The following SPTB variants were observed in gnomAD, a reference collection of about 807,000 sequenced individuals.
SPTB encodes spectrin beta chain, erythrocytic.
In SPTB, 45 loss-of-function variants were observed where a neutral mutation model predicts 256.2. That is an observed-to-expected ratio of 0.18 (90% CI 0.14 to 0.23). The LOEUF is 0.23. Among genes scored for constraint, SPTB ranks in the 10% least tolerant of loss-of-function variants. The probability of loss-of-function intolerance (pLI) is 1.00; values close to 1 mark genes in which losing one functional copy is unlikely to be tolerated. For synonymous variants in SPTB, 1,231 were observed against 1,243.1 expected, an observed-to-expected ratio of 0.99 and a Z score of 0.21; for missense variants, 2,715 against 3,040.4, an observed-to-expected ratio of 0.89 and a Z score of 2.52.
Position 64,853,961 on chromosome 14 carries a change from G to C in SPTB, c.-52+25831C>G, listed in dbSNP as rs186898958. Among the ~76,000 whole-genome samples, 45 of 152,284 alleles carry C rather than the reference G, an allele frequency of 3.0e-4. No individual in the cohort carries two copies. The highest frequency in any genetic ancestry group is 5.9e-4 in the Admixed American group (9 of 15,298). On this transcript the variant is annotated intron_variant, in intron 1 of 35. Coordinates refer to ENST00000644917, the MANE Select transcript of SPTB (RefSeq NM_001355436.2). This position sits in a 1 kb window ranked among gnomAD's most constrained non-coding sequence, Gnocchi z 4.3. ...AATCCCAGTACTTTGGGAGACCGAG[G>C]CAGGTAGATCACCTGAGGTCAGGAG...
At chr14:64,801,211 G>A (rs867002670) in intron 7 of SPTB, 74 bp downstream of exon 7, 1 of 1,335,290 alleles carries the variant, frequency 7.5e-7, no homozygotes, top group Non-Finnish European at 1.1e-6. Context: ...AGTCCTGGCG[G>A]CTGAGCTCCT....
At chr14:64,835,972 G>T (rs995377961) in intron 1 of SPTB, among the ~76,000 whole-genome samples, 10 of 152,300 alleles carry the variant, frequency 6.6e-5, no homozygotes, top group African/African-American at 2.4e-4. Flanking sequence ...AACATCCCGT[G>T]CTACTGTGGG....
At chr14:64,860,294 C>T (rs1241743824) in intron 1 of SPTB, among the ~76,000 whole-genome samples, 2 of 152,216 alleles carry the variant, frequency 1.3e-5, no homozygotes, top group Non-Finnish European at 2.9e-5. Flanking sequence ...TGAATGAGCC[C>T]TTTTGTTTCC....
At chr14:64,806,000 C>T (rs1012509778) in intron 2 of SPTB, among the ~76,000 whole-genome samples, 4 of 152,088 alleles carry the variant, frequency 2.6e-5, no homozygotes, top group African/African-American at 9.7e-5. Flanking sequence ...CCATGCTGTA[C>T]CAGTTCAGGT....
intron 9 of SPTB, 23 bp from the exon 10 acceptor site, chr14:64,797,869 A>G (rs771578947): frequency 6.3e-7 from 1 of 1,596,050 alleles, no homozygotes; most frequent in Admixed American, 1.7e-5. Flanking sequence ...CAGAAGTAGG[A>G]AGACTGATGT....
Position 64,823,046 on chromosome 14 carries a change from T to C in SPTB, c.49A>G (p.Ser17Gly). The change falls in exon 2 of 36, where the codon AGC (serine) becomes GGC (glycine). Residue 17 changes from serine to glycine, a missense_variant. Ser to Gly is a moderately conservative substitution (Grantham distance 56, BLOSUM62 0). Coordinates refer to ENST00000644917, the MANE Select transcript of SPTB (RefSeq NM_001355436.2). The surrounding 1 kb of genome is among the most constrained non-coding windows in gnomAD (Gnocchi z 6.5). ...GCGTCCCAGCGGGCATTGATCCTGC[T>C]GTAAGGTGGCTGGTTGCCCACATTT... The part of the protein sequence containing the change: ...FENVGNQPPY[S>G]RINARWDAPD... The C allele has an allele frequency of 1.2e-6, 2 of 1,614,194 alleles. No homozygotes were observed. The highest frequency in any genetic ancestry group is 2.2e-5 in the South Asian group (2 of 91,078).
At chr14:64,800,497 T>C (rs1258309186) in intron 8 of SPTB, among the ~76,000 whole-genome samples, 1 of 152,170 alleles carries the variant, frequency 6.6e-6, no homozygotes, top group African/African-American at 2.4e-5. Context: ...TGTGGGGATG[T>C]CCATGAGACA....
intron 1 of SPTB, among the ~76,000 whole-genome samples, chr14:64,830,364 ATTATTATTATTAT>A (rs145557271): frequency 0.15 from 20,503 of 139,128 alleles, 1,757 homozygotes; most frequent in African/African-American, 0.26. Flanking sequence ...TATTATTATT[ATTATTATTATTAT>A]TATTTTATTT....
Position 64,873,843 on chromosome 14 carries a change from C to T in SPTB, c.-52+5949G>A, listed in dbSNP as rs1882677908. 6.6e-6 allele frequency among the ~76,000 whole-genome samples: 1 copy of T among 152,150 alleles called. No individual in the cohort carries two copies. Among genetic ancestry groups the T allele is most frequent in the South Asian group, 2.1e-4 (1 of 4,816 alleles). On this transcript the variant is annotated intron_variant, in intron 1 of 35. Transcript: ENST00000644917. This position sits in a 1 kb window ranked among gnomAD's most constrained non-coding sequence, Gnocchi z 4.3. ...GAGTATATAAATGTACATTTCTAAT[C>T]CTGTTTTGTAACTGGAAACCAGGAA...
chr14:64,774,854 C>T (rs977754166), intron 23 of SPTB, among the ~76,000 whole-genome samples: 8 of 151,882 alleles, frequency 5.3e-5, no homozygotes, highest in Non-Finnish European at 8.8e-5. Flanking sequence ...TCTTTCATAG[C>T]GTACAGAATC....
rs2295523 is a variant in SPTB, at chr14:64,753,864, T to C, written c.6346-71A>G. 25,646 of 1,596,088 alleles carry C rather than the reference T, an allele frequency of 0.016. 1,935 individuals carry two copies. In the African/African-American group the frequency reaches 0.19, roughly 12 times the overall value. ...TTAGAGATGGCTGTTCTCAGCAAAATTGGGAGGTCAGCAGCCACCCTCTCC... is the reference window on the plus strand; with the variant it reads ...TTAGAGATGGCTGTTCTCAGCAAAACTGGGAGGTCAGCAGCCACCCTCTCC... On this transcript the variant is annotated intron_variant, in intron 32 of 35. Coordinates refer to ENST00000644917, the MANE Select transcript of SPTB (RefSeq NM_001355436.2).
At chr14:64,804,901 G>T (rs761799912) in intron 3 of SPTB, 38 bp downstream of exon 3, 1 of 1,612,774 alleles carries the variant, frequency 6.2e-7, no homozygotes, top group Non-Finnish European at 8.5e-7. Flanking sequence ...AAGAGGGGCC[G>T]ATGGCAGCAG....
intron 8 of SPTB, among the ~76,000 whole-genome samples, chr14:64,800,286 G>A (rs2082858343): frequency 6.6e-6 from 1 of 152,224 alleles, no homozygotes; most frequent in Admixed American, 6.5e-5. Context: ...GGAGTCAAAG[G>A]CTGCCAGCCA....
rs1433793294 is a variant in SPTB, at chr14:64,827,363, G to C, written c.-51-4218C>G. On this transcript the variant is annotated intron_variant, in intron 1 of 35. Transcript: ENST00000644917. The surrounding 1 kb of genome is among the most constrained non-coding windows in gnomAD (Gnocchi z 4.6). ...GGCTGAGGAGCAGGCTGTTGAAATA[G>C]CAAGGACACTGTCTTTCTTAAACAG... is the stretch of plus-strand genomic sequence containing the variant. Among the ~76,000 whole-genome samples, 3 of 152,210 alleles carry C rather than the reference G, an allele frequency of 2.0e-5. No homozygotes were observed. Among genetic ancestry groups the C allele is most frequent in the African/African-American group, 7.2e-5 (3 of 41,456 alleles).
At chr14:64,804,576 A>T (rs960050494) in intron 3 of SPTB, among the ~76,000 whole-genome samples, 30 of 152,220 alleles carry the variant, frequency 2.0e-4, no homozygotes, top group African/African-American at 7.2e-4. Context: ...TAAAACACAC[A>T]GTAAAATGGC....
intron 2 of SPTB, among the ~76,000 whole-genome samples, chr14:64,818,854 A>AGCT (rs781010317): frequency 6.6e-6 from 1 of 152,206 alleles, no homozygotes; most frequent in Non-Finnish European, 1.5e-5. Flanking sequence ...TGGGCTTTTC[A>AGCT]GCTGCTGCTC....
intron 2 of SPTB, among the ~76,000 whole-genome samples, chr14:64,809,602 C>T (rs928592334): frequency 6.6e-5 from 10 of 152,122 alleles, no homozygotes; most frequent in African/African-American, 2.4e-4. Flanking sequence ...ACCTTGGCCT[C>T]CCAAAGTGCT....
intron 1 of SPTB, among the ~76,000 whole-genome samples, chr14:64,830,598 A>G (rs910598169): frequency 2.0e-5 from 3 of 152,076 alleles, no homozygotes; most frequent in Non-Finnish European, 4.4e-5. Context: ...AGCCTCTGAA[A>G]GGGTCTTTTG....
At position 64,804,926 on chromosome 14, in the gene SPTB, G is replaced by T; in HGVS notation, c.300+13C>A. 6.2e-7 allele frequency: 1 copy of T among 1,613,866 alleles called. No individual in the cohort carries two copies. Among genetic ancestry groups the T allele is most frequent in the Non-Finnish European group, 8.5e-7 (1 of 1,179,998 alleles). ...GATGGCAGCAGCCCCGGGGCCCACA[G>T]AAGGGACTTTACCAGCATCTCTCCA... On this transcript the variant is annotated intron_variant, in intron 3 of 35. Coordinates refer to ENST00000644917, the MANE Select transcript of SPTB (RefSeq NM_001355436.2).
Sources: allele counts gnomAD v4.1 joint callset (sites outside exome capture counted in the v4.1 genomes callset), GRCh38; gene constraint gnomAD v4.1.1; non-coding constraint Gnocchi (gnomAD v3.1); transcripts MANE v1.5; gene names NCBI Gene and HGNC (gene_info 2026-07-23, HGNC 2026-07-21).